PDGFD: variants seen among roughly 807,000 people sequenced by gnomAD.
PDGFD encodes the protein platelet derived growth factor D.
PDGFD carries 30 observed loss-of-function variants against 44.7 expected under a neutral mutation model. The ratio of observed to expected loss-of-function variants is 0.67; its 90% CI spans 0.50 to 0.91. PDGFD has a LOEUF of 0.91. PDGFD is among the 40% of genes least tolerant of loss of function. The pLI is 0.00. For missense variants in PDGFD, 445 were observed against 457.8 expected (o/e 0.97, Z 0.25); for synonymous variants, 173 against 168.4 (o/e 1.03, Z -0.21).
In PDGFD at chr11:104,041,215, T is replaced by C. The variant is rs77498069; in HGVS notation, c.125-40960A>G. 2.4e-4 allele frequency among the ~76,000 whole-genome samples: 36 copies of C among 152,152 alleles called. 2 individuals carry two copies. The East Asian group carries it at 6.9e-3, about 29-fold the overall frequency. ...CATAGAGAAATGAGTAGGTTATAGT[T>C]TCAGACCTCAAGGTGATTAGTACCT... On this transcript the variant is annotated intron_variant, in intron 1 of 6. Coordinates refer to ENST00000393158, the MANE Select transcript of PDGFD (RefSeq NM_025208.5).
chr11:104,090,845 T>C (rs1262957030), intron 1 of PDGFD, among the ~76,000 whole-genome samples: 2 of 152,130 alleles, frequency 1.3e-5, no homozygotes, highest in Non-Finnish European at 2.9e-5. Flanking sequence ...CTGCCTGGAA[T>C]GTGCCACATT....
intron 6 of PDGFD, among the ~76,000 whole-genome samples, chr11:103,915,637 C>A (rs886880286): frequency 3.9e-5 from 6 of 152,138 alleles, no homozygotes; most frequent in Non-Finnish European, 7.3e-5. Context: ...AGAGCCAAGA[C>A]AATCTTAAGC....
At chr11:104,030,344 C>A (rs1294415795) in intron 1 of PDGFD, among the ~76,000 whole-genome samples, 1 of 152,116 alleles carries the variant, frequency 6.6e-6, no homozygotes, top group Non-Finnish European at 1.5e-5. Context: ...AATAAAATAT[C>A]TTAATAGGCT....
At chr11:104,148,779 G>A (rs1178999479) in intron 1 of PDGFD, among the ~76,000 whole-genome samples, 2 of 151,844 alleles carry the variant, frequency 1.3e-5, no homozygotes, top group Admixed American at 6.6e-5. Context: ...AGTGTGTGTT[G>A]TTCCCCAATA....
At position 104,112,250 on chromosome 11, in the gene PDGFD, T is replaced by C. The variant is rs559667880; in HGVS notation, c.124+51554A>G. Among the ~76,000 whole-genome samples the C allele has an allele frequency of 3.3e-5, 5 of 152,274 alleles. No individual in the cohort carries two copies. The South Asian group carries it at 6.2e-4, about 19-fold the overall frequency. ...CTGATTGGTGTGGGATGGTATTTCA[T>C]TGTGGTTTTGACTTGCATTTCTCTA... On this transcript the variant is annotated intron_variant, in intron 1 of 6. Coordinates refer to ENST00000393158, the MANE Select transcript of PDGFD (RefSeq NM_025208.5).
At chr11:103,943,378 G>C (rs893228314) in intron 5 of PDGFD, 74 bp downstream of exon 5, 25 of 1,391,132 alleles carry the variant, frequency 1.8e-5, no homozygotes, top group Non-Finnish European at 2.5e-5. Flanking sequence ...AAATACTTTG[G>C]ATAAGGGATA....
chr11:104,082,860 C>T lies in PDGFD; in HGVS notation c.124+80944G>A, dbSNP rs113685247. On this transcript the variant is annotated intron_variant, in intron 1 of 6. Transcript: ENST00000393158. ...TCTCCAACTCCTGTCTTAAAGTGATCCTCCCTCCTTGGTCTCCCAAACTGC... is the reference window on the plus strand; with the variant it reads ...TCTCCAACTCCTGTCTTAAAGTGATTCTCCCTCCTTGGTCTCCCAAACTGC... Among the ~76,000 whole-genome samples the T allele has an allele frequency of 4.6e-3, 697 of 152,190 alleles. 8 individuals are homozygous for T. Among genetic ancestry groups the T allele is most frequent in the African/African-American group, 0.016 (664 of 41,526 alleles).
intron 1 of PDGFD, among the ~76,000 whole-genome samples, chr11:104,040,842 TTGAAA>T (rs1388870830): frequency 2.0e-5 from 3 of 152,188 alleles, no homozygotes; most frequent in African/African-American, 4.8e-5. Context: ...AAAAGGATTC[TTGAAA>T]TGAAATAATA....
chr11:104,148,562 A>G (rs1862197489), intron 1 of PDGFD, among the ~76,000 whole-genome samples: 1 of 152,238 alleles, frequency 6.6e-6, no homozygotes. Context: ...ATTTACATAC[A>G]TAATGAGTTA....
At chr11:104,017,296 A>C (rs1436381101) in intron 1 of PDGFD, among the ~76,000 whole-genome samples, 2 of 152,124 alleles carry the variant, frequency 1.3e-5, no homozygotes, top group African/African-American at 4.8e-5. Flanking sequence ...GCTTGAGCGG[A>C]CTAAGGTACC....
chr11:104,156,515 T>C (rs976239933), intron 1 of PDGFD, among the ~76,000 whole-genome samples: 1 of 152,150 alleles, frequency 6.6e-6, no homozygotes, highest in African/African-American at 2.4e-5. Flanking sequence ...AAATCTAAAA[T>C]CTGAGAAAAG....
intron 1 of PDGFD, among the ~76,000 whole-genome samples, chr11:104,145,757 C>T (rs1321916864): frequency 6.6e-6 from 1 of 152,062 alleles, no homozygotes; most frequent in Admixed American, 6.6e-5. Flanking sequence ...TCCTGACCCC[C>T]GAGTGTGCTT....
At chr11:104,092,102 G>A (rs967192821) in intron 1 of PDGFD, among the ~76,000 whole-genome samples, 2 of 152,126 alleles carry the variant, frequency 1.3e-5, no homozygotes, top group African/African-American at 4.8e-5. Flanking sequence ...CCTAAGCCAT[G>A]GCTCAGAGAG....
chr11:104,144,355 A>G (rs1034024108), intron 1 of PDGFD, among the ~76,000 whole-genome samples: 1 of 151,860 alleles, frequency 6.6e-6, no homozygotes, highest in African/African-American at 2.4e-5. Flanking sequence ...AAAATACAAA[A>G]ATTAGCCAGG....
chr11:103,985,094 T>TATATATTAATTTATTTAATATATA lies in PDGFD; in HGVS notation c.510+10947_510+10970dup, dbSNP rs1299737136. On this transcript the variant is annotated intron_variant, in intron 3 of 6. Coordinates refer to ENST00000393158, the MANE Select transcript of PDGFD (RefSeq NM_025208.5). ...TAATAGTTATATTTATTTAATATAT[T>TATATATTAATTTATTTAATATATA]ATATATTAATTTATTTAATATATAA... is the stretch of plus-strand genomic sequence containing the variant. Among the ~76,000 whole-genome samples, 195 of 44,734 alleles carry TATATATTAATTTATTTAATATATA rather than the reference T, an allele frequency of 4.4e-3. 23 individuals are homozygous for TATATATTAATTTATTTAATATATA. Among genetic ancestry groups the TATATATTAATTTATTTAATATATA allele is most frequent in the East Asian group, 0.023 (23 of 1,008 alleles). The allele number at this position is 44,734 out of a possible 152,430, so 29.3% of individuals were successfully genotyped here.
In PDGFD at chr11:103,948,345, G is replaced by C. The variant is rs533009874; in HGVS notation, c.511-621C>G. On this transcript the variant is annotated intron_variant, in intron 3 of 6. Coordinates refer to ENST00000393158, the MANE Select transcript of PDGFD (RefSeq NM_025208.5). ...GGTAGTGACTAAGTACTGCCCATTT[G>C]GGGAAGGAAGGTCAAGGGCAGACTT... is the stretch of plus-strand genomic sequence containing the variant. Among the ~76,000 whole-genome samples, 7 of 152,252 alleles carry C rather than the reference G, an allele frequency of 4.6e-5. No homozygotes were observed. The South Asian group carries it at 1.2e-3, about 27-fold the overall frequency.
chr11:103,920,724 T>C (rs1858201870), intron 6 of PDGFD, among the ~76,000 whole-genome samples: 2 of 152,352 alleles, frequency 1.3e-5, no homozygotes, highest in South Asian at 4.1e-4. Context: ...GATGCCTTCA[T>C]TCACCCAGTA....
intron 1 of PDGFD, among the ~76,000 whole-genome samples, chr11:104,104,227 T>C (rs1355131817): frequency 6.6e-6 from 1 of 152,198 alleles, no homozygotes; most frequent in Non-Finnish European, 1.5e-5. Flanking sequence ...TTTTGAGTTA[T>C]TGCAAAAGGG....
chr11:104,056,421 A>C (rs1860617635), intron 1 of PDGFD, among the ~76,000 whole-genome samples: 1 of 152,180 alleles, frequency 6.6e-6, no homozygotes, highest in Admixed American at 6.5e-5. Context: ...TTTAAATCTT[A>C]GGATGAGATA....
Sources: allele counts gnomAD v4.1 joint callset (sites outside exome capture counted in the v4.1 genomes callset), GRCh38; gene constraint gnomAD v4.1.1; transcripts MANE v1.5; gene names NCBI Gene and HGNC (gene_info 2026-07-23, HGNC 2026-07-21).